The following TMIGD3 variants were observed in gnomAD, a reference collection of about 807,000 sequenced individuals.
The protein encoded by TMIGD3 is transmembrane and immunoglobulin domain containing 3.
In TMIGD3, 21 loss-of-function variants were observed where a neutral mutation model predicts 28.1. The ratio of observed to expected loss-of-function variants is 0.75; its 90% confidence interval spans 0.53 to 1.08. The LOEUF is 1.08. Among genes scored for constraint, TMIGD3 ranks in the 50% least tolerant of loss-of-function variants. TMIGD3 has a pLI of 0.00. For synonymous variants in TMIGD3, 151 were observed against 162.1 expected, an observed-to-expected ratio of 0.93 and a Z score of 0.52; for missense variants, 416 against 435.6, an observed-to-expected ratio of 0.96 and a Z score of 0.40.
At position 111,488,938 on chromosome 1, in the gene TMIGD3, T is replaced by C; in HGVS notation, c.544A>G (p.Asn182Asp). The change falls in exon 3 of 6, where the codon AAT (asparagine) becomes GAT (aspartate). Residue 182 changes from asparagine to aspartate, a missense_variant. By Grantham distance (23) the Asn-to-Asp change is conservative. Coordinates refer to ENST00000369716, the MANE Select transcript of TMIGD3 (RefSeq NM_020683.7). ...AICNYNAHYK[N>D]HPKYWCRGYF... ...CCTCGGCACCAGTATTTGGGGTGATTCTTGTAGTGGGCATTGTAGTTGCAG... is the reference window on the plus strand; with the variant it reads ...CCTCGGCACCAGTATTTGGGGTGATCCTTGTAGTGGGCATTGTAGTTGCAG... 1 of 1,614,170 alleles carries C rather than the reference T, an allele frequency of 6.2e-7. No homozygotes were observed. Among genetic ancestry groups the C allele is most frequent in the Non-Finnish European group, 8.5e-7 (1 of 1,180,034 alleles).
At chr1:111,551,077 A>G (rs1657236359) in intron 1 of TMIGD3, among the ~76,000 whole-genome samples, 1 of 152,184 alleles carries the variant, frequency 6.6e-6, no homozygotes, top group African/African-American at 2.4e-5. Flanking sequence ...TACTGTTTGC[A>G]GGAAATACTT....
At chr1:111,516,302 G>C (rs932878608) in intron 1 of TMIGD3, among the ~76,000 whole-genome samples, 9 of 152,320 alleles carry the variant, frequency 5.9e-5, no homozygotes, top group African/African-American at 2.2e-4. Context: ...GGTCAGTCAG[G>C]AGGAGGAACT....
intron 5 of TMIGD3, among the ~76,000 whole-genome samples, chr1:111,484,807 T>C (rs979938724): frequency 6.6e-6 from 1 of 152,250 alleles, no homozygotes; most frequent in African/African-American, 2.4e-5. Context: ...CTGTTTTTAA[T>C]TATGCCTACA....
At chr1:111,527,301 C>A (rs936685776) in intron 1 of TMIGD3, among the ~76,000 whole-genome samples, 2 of 152,056 alleles carry the variant, frequency 1.3e-5, no homozygotes, top group Admixed American at 1.3e-4. Context: ...CGTGAGCCAC[C>A]GCGCCTGACC....
chr1:111,502,339 T>C (rs1246784842), intron 1 of TMIGD3, among the ~76,000 whole-genome samples: 11 of 139,376 alleles, frequency 7.9e-5, no homozygotes, highest in African/African-American at 2.4e-4. Context: ...TACATATATT[T>C]ATTATAATGA....
chr1:111,485,918 G>T, intron 4 of TMIGD3, 78 bp from the exon 5 acceptor site: 2 of 1,181,588 alleles, frequency 1.7e-6, no homozygotes, highest in Non-Finnish European at 2.4e-6. Flanking sequence ...CCCTTTTTCT[G>T]GGATTTGCAC....
chr1:111,551,767 T>TTTTGTTTTG (rs60895493), intron 1 of TMIGD3, among the ~76,000 whole-genome samples: 64 of 23,934 alleles, frequency 2.7e-3, no homozygotes, highest in African/African-American at 4.1e-3. Flanking sequence ...TTTTGTTTTG[T>TTTTGTTTTG]TTTTTTGAGA....
At chr1:111,486,506 C>T (rs7549031) in intron 4 of TMIGD3, 80 bp downstream of exon 4, 34,595 of 1,048,374 alleles carry the variant, frequency 0.033, 794 homozygotes, top group Admixed American at 0.042. Flanking sequence ...AATCAACTGT[C>T]ATATCATACT....
chr1:111,534,473 G>A (rs528474099), intron 1 of TMIGD3, among the ~76,000 whole-genome samples: 1 of 152,332 alleles, frequency 6.6e-6, no homozygotes, highest in African/African-American at 2.4e-5. Flanking sequence ...GCTGTGATCT[G>A]AGAGTTGACG....
At chr1:111,552,171 A>C (rs1657287272) in intron 1 of TMIGD3, among the ~76,000 whole-genome samples, 1 of 152,218 alleles carries the variant, frequency 6.6e-6, no homozygotes, top group African/African-American at 2.4e-5. Flanking sequence ...AACAAGATAA[A>C]ACATGACTTT....
At chr1:111,502,175 A>AT (rs1557824191) in intron 1 of TMIGD3, among the ~76,000 whole-genome samples, 33 of 32,914 alleles carry the variant, frequency 1.0e-3, no homozygotes, top group Non-Finnish European at 1.2e-3. Context: ...TATTATAATA[A>AT]ATATATAGGA....
At chr1:111,487,866 C>A (rs770795809) in intron 3 of TMIGD3, among the ~76,000 whole-genome samples, 3 of 152,188 alleles carry the variant, frequency 2.0e-5, no homozygotes, top group Non-Finnish European at 4.4e-5. Flanking sequence ...TGCAGTGGTG[C>A]AATCACGGCT....
intron 1 of TMIGD3, among the ~76,000 whole-genome samples, chr1:111,561,425 A>G (rs1033364810): frequency 2.0e-5 from 3 of 152,182 alleles, no homozygotes; most frequent in African/African-American, 7.2e-5. Context: ...CCCAGCTCCA[A>G]TCATTAATTT....
At chr1:111,534,139 C>T (rs12028636) in intron 1 of TMIGD3, among the ~76,000 whole-genome samples, 30,276 of 151,922 alleles carry the variant, frequency 0.2, 3,543 homozygotes, top group East Asian at 0.47. Context: ...TTTTTATCTT[C>T]GTTATACAAA....
chr1:111,539,344 C>T (rs1205452537), intron 1 of TMIGD3, among the ~76,000 whole-genome samples: 1 of 152,136 alleles, frequency 6.6e-6, no homozygotes, highest in East Asian at 1.9e-4. Flanking sequence ...TGTCGCCAGG[C>T]TGGAGTGCAG....
Position 111,499,077 on chromosome 1 carries a change from C to T in TMIGD3, c.350+3928G>A, listed in dbSNP as rs571628656. On this transcript the variant is annotated intron_variant, in intron 1 of 5. Coordinates refer to ENST00000369716, the MANE Select transcript of TMIGD3 (RefSeq NM_020683.7). ...CTACACTCCAGCCTAGGTGACAGAA[C>T]GAGACCTTGTCTCAAAAAAAAAAAG... 4.6e-4 allele frequency among the ~76,000 whole-genome samples: 61 copies of T among 133,170 alleles called. 1 individual carries two copies. Among genetic ancestry groups the T allele is most frequent in the Admixed American group, 1.4e-3 (17 of 11,792 alleles). The allele number at this position is 133,170 out of a possible 152,430, so 87.4% of individuals were successfully genotyped here. A position where few individuals can be genotyped will look rare whatever the true frequency, so the allele number is the denominator to read the frequency against.
intron 1 of TMIGD3, chr1:111,563,822 G>A (rs1591712): frequency 0.91 from 1,452,237 of 1,593,434 alleles, 662,358 homozygotes; most frequent in East Asian, 0.95. Flanking sequence ...CCTCCCAGCA[G>A]CTATATTTTC....
At chr1:111,520,032 C>T (rs937905138) in intron 1 of TMIGD3, among the ~76,000 whole-genome samples, 1 of 152,092 alleles carries the variant, frequency 6.6e-6, no homozygotes, top group Non-Finnish European at 1.5e-5. Context: ...TGTACACAGA[C>T]CCGGTTAACC....
At chr1:111,532,331 C>T (rs1421962264) in intron 1 of TMIGD3, among the ~76,000 whole-genome samples, 1 of 152,184 alleles carries the variant, frequency 6.6e-6, no homozygotes, top group Non-Finnish European at 1.5e-5. Flanking sequence ...GAAGATGGAA[C>T]CTCTTTATAT....
Sources: gnomAD v4.1 joint callset for allele counts (sites outside exome capture counted in the v4.1 genomes callset) on GRCh38, gnomAD v4.1.1 for gene constraint, MANE v1.5 for transcripts, NCBI Gene and HGNC (gene_info 2026-07-23, HGNC 2026-07-21) for gene names.